RAB6A: variants seen among roughly 807,000 people sequenced by gnomAD.
The protein encoded by RAB6A is ras-related protein Rab-6A.
RAB6A carries 8 observed loss-of-function variants against 32.3 expected under a neutral mutation model. That is an observed-to-expected ratio of 0.25 (90% CI 0.15 to 0.45). The LOEUF is 0.45. RAB6A is among the 20% of genes least tolerant of loss of function. The probability of loss-of-function intolerance (pLI) is 1.00; values close to 1 mark genes in which losing one functional copy is unlikely to be tolerated. For synonymous variants in RAB6A, 73 were observed against 82.1 expected (o/e 0.89, Z 0.60); for missense variants, 104 against 249.4 (o/e 0.42, Z 3.93).
rs113704381 is a variant in RAB6A, at chr11:73,691,689, G to A, written c.496-11969C>T. On this transcript the variant is annotated intron_variant, in intron 6 of 7. Transcript: ENST00000336083. ...TAGGAAGCAAAAAGTGGCCAGGCAC[G>A]GTGGCTCACGCTTGTAATCCCAGCA... Among the ~76,000 whole-genome samples, 818 of 152,256 alleles carry A rather than the reference G, an allele frequency of 5.4e-3. 9 individuals are homozygous for A. Among genetic ancestry groups the A allele is most frequent in the African/African-American group, 0.019 (769 of 41,554 alleles).
chr11:73,681,804 G>A (rs1048285848), intron 6 of RAB6A, among the ~76,000 whole-genome samples: 5 of 152,024 alleles, frequency 3.3e-5, no homozygotes, highest in African/African-American at 1.2e-4. Flanking sequence ...GCAAGACTCT[G>A]TCTGGAAAAA....
At chr11:73,740,560 G>A (rs1268161355) in intron 1 of RAB6A, among the ~76,000 whole-genome samples, 1 of 151,390 alleles carries the variant, frequency 6.6e-6, no homozygotes, top group Non-Finnish European at 1.5e-5. Context: ...ATTGAATCAA[G>A]ATTTTTTGTT....
chr11:73,709,965 T>A (rs12270175), intron 5 of RAB6A, among the ~76,000 whole-genome samples: 881 of 36,334 alleles, frequency 0.024, 8 homozygotes, highest in Middle Eastern at 0.1. Flanking sequence ...ATATATATTT[T>A]TTTTTTTTTT....
chr11:73,685,881 G>A lies in RAB6A; in HGVS notation c.496-6161C>T, dbSNP rs1476302193. Among the ~76,000 whole-genome samples the A allele has an allele frequency of 8.8e-4, 14 of 15,900 alleles. No individual in the cohort carries two copies. The East Asian group carries it at 0.011, about 13-fold the overall frequency. The allele number at this position is 15,900 out of a possible 152,430, so 10.4% of individuals were successfully genotyped here. On this transcript the variant is annotated intron_variant, in intron 6 of 7. Coordinates refer to ENST00000336083, the MANE Select transcript of RAB6A (RefSeq NM_198896.2). Reference sequence around the variant, plus strand: ...GCCCAGGCAACAAGAGTGAAACTCCGTCTCAAAAAAAAAAAAAAAAAAAAA... The same window carrying A: ...GCCCAGGCAACAAGAGTGAAACTCCATCTCAAAAAAAAAAAAAAAAAAAAA...
chr11:73,687,307 G>A (rs1945474926), intron 6 of RAB6A, among the ~76,000 whole-genome samples: 1 of 152,110 alleles, frequency 6.6e-6, no homozygotes, highest in Admixed American at 6.6e-5. Context: ...GGATAGCAGT[G>A]ATTTTTGCAC....
At chr11:73,729,289 G>A (rs1946270092) in intron 2 of RAB6A, among the ~76,000 whole-genome samples, 1 of 152,084 alleles carries the variant, frequency 6.6e-6, no homozygotes. Flanking sequence ...AGTAGAGATG[G>A]AGTTTTGCCA....
At chr11:73,695,410 C>A (rs774930039) in intron 6 of RAB6A, among the ~76,000 whole-genome samples, 1 of 150,266 alleles carries the variant, frequency 6.7e-6, no homozygotes, top group Non-Finnish European at 1.5e-5. Flanking sequence ...GACGGAGTCT[C>A]GCTCTGTCAC....
At chr11:73,754,288 A>T (rs1273300882) in intron 1 of RAB6A, among the ~76,000 whole-genome samples, 4 of 152,226 alleles carry the variant, frequency 2.6e-5, no homozygotes, top group Admixed American at 2.6e-4. Flanking sequence ...AATTGACTTG[A>T]TATTACCTAA....
intron 1 of RAB6A, among the ~76,000 whole-genome samples, chr11:73,731,731 T>TAGATATAC (rs1346850332): frequency 5.9e-5 from 1 of 16,988 alleles, no homozygotes; most frequent in Non-Finnish European, 1.2e-4. Flanking sequence ...TATATATATA[T>TAGATATAC]ACACACACAC....
chr11:73,696,567 T>C (rs1945659173), intron 6 of RAB6A, among the ~76,000 whole-genome samples: 1 of 152,198 alleles, frequency 6.6e-6, no homozygotes, highest in South Asian at 2.1e-4. Flanking sequence ...TTTTATTACT[T>C]GTATTTAGTT....
At chr11:73,728,026 C>A (rs113881626) in intron 2 of RAB6A, among the ~76,000 whole-genome samples, 3 of 152,150 alleles carry the variant, frequency 2.0e-5, no homozygotes, top group African/African-American at 4.8e-5. Flanking sequence ...TAAATCTATG[C>A]TCCCCAATTG....
chr11:73,720,728 T>C lies in RAB6A; in HGVS notation c.183+118A>G, dbSNP rs918385918. The C allele has an allele frequency of 2.1e-5, 17 of 793,052 alleles. No homozygotes were observed. In the African/African-American group the frequency reaches 2.8e-4, roughly 13 times the overall value. 49.1% of individuals were successfully genotyped at this position (793,052 alleles called of 1,614,324 possible). On this transcript the variant is annotated intron_variant, in intron 3 of 7. Transcript: ENST00000336083. ...TAATAAGAGTTTTTCTCAACAACTG[T>C]AAACTATCTTTGGTAACTTTGCTAA...
At chr11:73,749,754 C>T (rs1010500337) in intron 1 of RAB6A, among the ~76,000 whole-genome samples, 5 of 152,044 alleles carry the variant, frequency 3.3e-5, no homozygotes, top group East Asian at 1.9e-4. Context: ...CCTAGCTACT[C>T]GGGAGGCTAA....
At chr11:73,679,905 G>A (rs1383843648) in intron 6 of RAB6A, among the ~76,000 whole-genome samples, 185 bp from the exon 7 acceptor site, 1 of 151,988 alleles carries the variant, frequency 6.6e-6, no homozygotes, top group Non-Finnish European at 1.5e-5. Context: ...GACCAGCTTG[G>A]GCAACATGGT....
At chr11:73,714,901 G>A (rs1394205508) in intron 5 of RAB6A, among the ~76,000 whole-genome samples, 1 of 152,070 alleles carries the variant, frequency 6.6e-6, no homozygotes, top group Non-Finnish European at 1.5e-5. Flanking sequence ...AGGTGGTGGA[G>A]GTTGTAATGA....
At chr11:73,731,713 TATATATATATATATATATACACAC>T (rs1162443680) in intron 1 of RAB6A, among the ~76,000 whole-genome samples, 3,709 of 18,314 alleles carry the variant, frequency 0.2, 177 homozygotes, top group South Asian at 0.39. Context: ...TATATATATA[TATATATATATATATATATACACAC>T]ACACACACAT....
chr11:73,746,875 T>C (rs1946596075), intron 1 of RAB6A, among the ~76,000 whole-genome samples: 1 of 152,226 alleles, frequency 6.6e-6, no homozygotes, highest in Non-Finnish European at 1.5e-5. Flanking sequence ...TTAATCTCTC[T>C]GTGCCTCAAT....
At chr11:73,698,116 T>C (rs781743369) in intron 6 of RAB6A, among the ~76,000 whole-genome samples, 5 of 151,974 alleles carry the variant, frequency 3.3e-5, no homozygotes, top group Admixed American at 6.6e-5. Context: ...AGCTATTCAG[T>C]AGGCTGAGGT....
chr11:73,739,723 C>G (rs1295403332), intron 1 of RAB6A, among the ~76,000 whole-genome samples: 1 of 151,946 alleles, frequency 6.6e-6, no homozygotes, highest in Non-Finnish European at 1.5e-5. Flanking sequence ...TGAAGGATAC[C>G]TAGGATTCAC....
Sources: gnomAD v4.1 joint callset for allele counts (sites outside exome capture counted in the v4.1 genomes callset) on GRCh38, gnomAD v4.1.1 for gene constraint, MANE v1.5 for transcripts, NCBI Gene and HGNC (gene_info 2026-07-23, HGNC 2026-07-21) for gene names.